Variants in TCL1A observed in about 807,000 individuals in gnomAD.
TCL1A encodes T-cell leukemia/lymphoma protein 1A.
Under a neutral mutation model 16.9 loss-of-function variants are expected in TCL1A, and 9 were observed. The observed-to-expected ratio is 0.53, with a 90% CI of 0.32 to 0.93. The LOEUF (loss-of-function observed/expected upper bound fraction) is 0.93, where lower values mean the gene tolerates loss of function less well. Ranked by LOEUF, TCL1A falls within the 40% of genes least tolerant of loss-of-function variation. The pLI, the probability that TCL1A is intolerant of heterozygous loss-of-function variation, is 0.04. For synonymous variants in TCL1A, 69 were observed against 63.2 expected, an observed-to-expected ratio of 1.09 and a Z score of -0.44; for missense variants, 139 against 153.0, an observed-to-expected ratio of 0.91 and a Z score of 0.48.
At chr14:95,712,673 G>A (rs757882590) in intron 1 of TCL1A, 115 of 1,399,412 alleles carry the variant, frequency 8.2e-5, no homozygotes, top group Middle Eastern at 1.9e-4. Context: ...GGGTTGCAGC[G>A]GCTCACACTT....
chr14:95,712,189 C>A, intron 2 of TCL1A, 31 bp downstream of exon 2: 2 of 1,613,974 alleles, frequency 1.2e-6, no homozygotes, highest in Non-Finnish European at 1.7e-6. Flanking sequence ...CCCAAGATCA[C>A]CCGATGGACC....
chr14:95,713,736 T>G (rs1886464602), intron 1 of TCL1A, among the ~76,000 whole-genome samples: 1 of 152,210 alleles, frequency 6.6e-6, no homozygotes, highest in African/African-American at 2.4e-5. Context: ...TCCACCCCTT[T>G]GACCGACATT....
chr14:95,713,174 G>T (rs1488375489), intron 1 of TCL1A, among the ~76,000 whole-genome samples: 1 of 152,120 alleles, frequency 6.6e-6, no homozygotes, highest in East Asian at 1.9e-4. Context: ...ACATTTTTGT[G>T]CCTCAGTTTC....
chr14:95,713,836 T>G (rs2139723913), intron 1 of TCL1A, 111 bp downstream of exon 1: 1 of 1,498,040 alleles, frequency 6.7e-7, no homozygotes, highest in South Asian at 1.3e-5. Flanking sequence ...TCTGTGGGGA[T>G]CCTCCCTGCC....
At chr14:95,711,504 G>C in intron 3 of TCL1A, 1 of 437,346 alleles carries the variant, frequency 2.3e-6, no homozygotes. Context: ...GAAAGTGCCA[G>C]CTGAAACTTG....
chr14:95,713,191 G>A (rs952571094), intron 1 of TCL1A, among the ~76,000 whole-genome samples: 1 of 151,802 alleles, frequency 6.6e-6, no homozygotes, highest in African/African-American at 2.4e-5. Flanking sequence ...TTTCCCATCT[G>A]TAGAGACACA....
At chr14:95,710,960 A>G (rs1465845507) in intron 3 of TCL1A, 79 bp from the exon 4 acceptor site, 2 of 152,730 alleles carry the variant, frequency 1.3e-5, no homozygotes, top group East Asian at 3.8e-4. Context: ...CTGCTGGAGC[A>G]GGTCTAAGTG....
chr14:95,712,191 C>A, intron 2 of TCL1A, 29 bp downstream of exon 2: 1 of 1,613,752 alleles, frequency 6.2e-7, no homozygotes, highest in Non-Finnish European at 8.5e-7. Flanking sequence ...CAAGATCACC[C>A]GATGGACCTC....
intron 3 of TCL1A, chr14:95,711,467 CAA>C (rs1305960722): frequency 0.013 from 3,298 of 247,536 alleles, no homozygotes; most frequent in South Asian, 0.02. Context: ...AGACTCATCT[CAA>C]AAAAAAAAAA....
intron 1 of TCL1A, among the ~76,000 whole-genome samples, chr14:95,713,720 A>G (rs554947556): frequency 1.3e-5 from 2 of 152,318 alleles, no homozygotes; most frequent in South Asian, 2.1e-4. Flanking sequence ...CTCCACAGGC[A>G]CTGGGTCCAC....
intron 2 of TCL1A, 137 bp from the exon 3 acceptor site, chr14:95,711,939 C>A: frequency 9.0e-7 from 1 of 1,116,874 alleles, no homozygotes; most frequent in Non-Finnish European, 1.3e-6. Flanking sequence ...CTCTTGGAGA[C>A]TGCCCCTCCT....
chr14:95,713,536 G>GCCTGGTTGACCCTAAA (rs1886441974), intron 1 of TCL1A, among the ~76,000 whole-genome samples: 1 of 152,160 alleles, frequency 6.6e-6, no homozygotes, highest in African/African-American at 2.4e-5. Flanking sequence ...TGTTTGCTAT[G>GCCTGGTTGACCCTAAA]CCTGGTTGAC....
intron 1 of TCL1A, 21 bp downstream of exon 1, chr14:95,713,926 C>G: frequency 6.2e-7 from 1 of 1,612,202 alleles, no homozygotes; most frequent in Non-Finnish European, 8.5e-7. Flanking sequence ...GCCTCGCCAT[C>G]CGCTCCAAAG....
chr14:95,711,948 C>T, intron 2 of TCL1A, 146 bp from the exon 3 acceptor site: 2 of 1,053,148 alleles, frequency 1.9e-6, no homozygotes, highest in Non-Finnish European at 2.7e-6. Flanking sequence ...ACTGCCCCTC[C>T]TCCCACCAGC....
chr14:95,712,250 G>T lies in TCL1A; in HGVS notation c.267C>A (p.Ser89=). 1 of 1,614,138 alleles carries T rather than the reference G, an allele frequency of 6.2e-7. No homozygotes were observed. Among genetic ancestry groups the T allele is most frequent in the South Asian group, 1.1e-5 (1 of 91,074 alleles). Residue 89 remains serine, a synonymous_variant, in exon 2 of 4, where the codon TCC becomes TCA. Transcript: ENST00000402399. ...YPDGRYRSSD[S]SFWRLVYHIK... ...TGTGGTACACTAAGCGCCAGAAACT[G>T]GAGTCTGAGGATCGGTATCGTCCAT...
chr14:95,713,459 C>A (rs1269380917), intron 1 of TCL1A, among the ~76,000 whole-genome samples: 1 of 152,300 alleles, frequency 6.6e-6, no homozygotes, highest in African/African-American at 2.4e-5. Flanking sequence ...ACTACGACAT[C>A]ACTTGTTAAA....
At chr14:95,713,687 C>G (rs149747912) in intron 1 of TCL1A, among the ~76,000 whole-genome samples, 1 of 152,330 alleles carries the variant, frequency 6.6e-6, no homozygotes, top group Non-Finnish European at 1.5e-5. Context: ...AAAATGCCTG[C>G]TGTAGTCAAC....
In TCL1A at chr14:95,713,989, A is replaced by G. The variant is rs1256113845; in HGVS notation, c.78T>C (p.Tyr26=). ...DRLWAWEKFV[Y]LDEKQHAWLP... is the part of the protein sequence containing the mutation. ...GCCAGGCGTGCTGCTTCTCGTCCAA[A>G]TACACGAACTTCTCCCAGGCCCACA... The change falls in exon 1 of 4, where the codon TAT becomes TAC. Residue 26 remains tyrosine, a synonymous_variant. Coordinates refer to ENST00000402399, the MANE Select transcript of TCL1A (RefSeq NM_021966.3). 6.2e-7 allele frequency: 1 copy of G among 1,613,754 alleles called. No homozygotes were observed. Among genetic ancestry groups the G allele is most frequent in the African/African-American group, 1.3e-5 (1 of 74,864 alleles).
At chr14:95,711,290 T>C (rs1278063115) in intron 3 of TCL1A, among the ~76,000 whole-genome samples, 2 of 129,942 alleles carry the variant, frequency 1.5e-5, no homozygotes, top group East Asian at 4.5e-4. Flanking sequence ...AAACCCCGTC[T>C]CTACTAAAAA....
Sources: gnomAD v4.1 joint callset for allele counts (sites outside exome capture counted in the v4.1 genomes callset) on GRCh38, gnomAD v4.1.1 for gene constraint, MANE v1.5 for transcripts, NCBI Gene and HGNC (gene_info 2026-07-23, HGNC 2026-07-21) for gene names.